Variants in PIAS1 observed in about 807,000 individuals in gnomAD.
PIAS1 encodes the protein E3 SUMO-protein ligase PIAS1.
A neutral mutation model predicts 71.3 loss-of-function variants in PIAS1; 6 were observed. The ratio of observed to expected loss-of-function variants is 0.08; its 90% CI spans 0.05 to 0.17. The LOEUF (loss-of-function observed/expected upper bound fraction) is 0.17. PIAS1 is among the 10% of genes least tolerant of loss of function. The probability of loss-of-function intolerance (pLI) is 1.00; values close to 1 mark genes in which losing one functional copy is unlikely to be tolerated. For synonymous variants in PIAS1, 303 were observed against 292.9 expected (o/e 1.03, Z -0.35); for missense variants, 555 against 793.6 (o/e 0.70, Z 3.61).
In PIAS1 at chr15:68,178,538, A is replaced by G. The variant is rs2093033763; in HGVS notation, c.1481+1884A>G. ...GAGAAAAGGAAAAGTCACATTACCT[A>G]AAGTTAGAACAAGTATCTATAGAAT... On this transcript the variant is annotated intron_variant, in intron 11 of 13. Coordinates refer to ENST00000249636, the MANE Select transcript of PIAS1 (RefSeq NM_016166.3). The surrounding 1 kb of genome is among the most constrained non-coding windows in gnomAD (Gnocchi z 4.2). 6.6e-6 allele frequency among the ~76,000 whole-genome samples: 1 copy of G among 152,226 alleles called. No individual in the cohort carries two copies. Among genetic ancestry groups the G allele is most frequent in the East Asian group, 1.9e-4 (1 of 5,208 alleles).
At chr15:68,182,425 A>AGT (rs10532167) in intron 12 of PIAS1, among the ~76,000 whole-genome samples, 5,248 of 123,266 alleles carry the variant, frequency 0.043, 293 homozygotes, top group African/African-American at 0.095. Context: ...AGTTACAGCT[A>AGT]GTGTGTGTGT....
chr15:68,081,649 G>A (rs1266200257), intron 1 of PIAS1, among the ~76,000 whole-genome samples: 2 of 152,032 alleles, frequency 1.3e-5, no homozygotes, highest in Non-Finnish European at 2.9e-5. Context: ...TAATGTAAGC[G>A]TTAGGAGATA....
At chr15:68,156,896 G>A (rs1451010405) in intron 7 of PIAS1, among the ~76,000 whole-genome samples, 2 of 152,112 alleles carry the variant, frequency 1.3e-5, no homozygotes, top group African/African-American at 4.8e-5. Context: ...CTTTGAAGAC[G>A]AATCAAAGGA....
At chr15:68,131,165 GC>G (rs2092685528) in intron 2 of PIAS1, among the ~76,000 whole-genome samples, 1 of 152,072 alleles carries the variant, frequency 6.6e-6, no homozygotes, top group Non-Finnish European at 1.5e-5. Context: ...AAAATTAAAT[GC>G]CCATTAATAA....
intron 6 of PIAS1, among the ~76,000 whole-genome samples, chr15:68,149,517 A>G (rs1233401207): frequency 6.6e-6 from 1 of 151,882 alleles, no homozygotes; most frequent in Non-Finnish European, 1.5e-5. Context: ...TAGGAACTGT[A>G]TTTTCAAATC....
intron 2 of PIAS1, among the ~76,000 whole-genome samples, chr15:68,134,589 C>T (rs2092708006): frequency 2.6e-5 from 1 of 38,346 alleles, no homozygotes; most frequent in African/African-American, 4.9e-5. Flanking sequence ...CCCCCCACCC[C>T]CCAGACGGGG....
intron 4 of PIAS1, among the ~76,000 whole-genome samples, chr15:68,145,473 A>G (rs1341572812): frequency 2.6e-5 from 4 of 152,168 alleles, no homozygotes; most frequent in Admixed American, 2.6e-4. Flanking sequence ...GTTTTGATTC[A>G]GAATTTCTTA....
In PIAS1 at chr15:68,112,940, G is replaced by A. The variant is rs1042375550; in HGVS notation, c.469+26190G>A. Among the ~76,000 whole-genome samples the A allele has an allele frequency of 5.9e-5, 9 of 152,152 alleles. 1 individual carries two copies. Among genetic ancestry groups the A allele is most frequent in the African/African-American group, 2.2e-4 (9 of 41,448 alleles). On this transcript the variant is annotated intron_variant, in intron 2 of 13. Coordinates refer to ENST00000249636, the MANE Select transcript of PIAS1 (RefSeq NM_016166.3). ...TCATCAAGGCATTAATTCTGGAAGG[G>A]AAACATGAAAATGACCTAAGTGTTT...
chr15:68,058,451 T>C (rs1366589690), intron 1 of PIAS1, among the ~76,000 whole-genome samples: 1 of 152,212 alleles, frequency 6.6e-6, no homozygotes, highest in Non-Finnish European at 1.5e-5. Context: ...TACGTGACTA[T>C]TGCAAGGTCA....
intron 10 of PIAS1, 118 bp from the exon 11 acceptor site, chr15:68,176,356 C>T: frequency 1.9e-6 from 1 of 539,386 alleles, no homozygotes; most frequent in Middle Eastern, 2.9e-4. Flanking sequence ...TGGTTTTCTA[C>T]TCTCTGGCTC....
rs1167093759 is a variant in PIAS1, at chr15:68,187,597, ACCT to A, written c.1722_1724del (p.Leu575del). On this transcript the variant is annotated inframe_deletion, in exon 14 of 14. Coordinates refer to ENST00000249636, the MANE Select transcript of PIAS1 (RefSeq NM_016166.3). This position sits in a 1 kb window ranked among gnomAD's most constrained non-coding sequence, Gnocchi z 5.3. The stretch of plus-strand genomic sequence containing the variant: ...GCAGCAGCAGTTTCAGATGATCAAG[ACCT>A]CCTACACTCGTCTCGGTTTTTCCCG... 3.1e-6 allele frequency: 5 copies of A among 1,613,558 alleles called. No individual in the cohort carries two copies. The highest frequency in any genetic ancestry group is 4.2e-6 in the Non-Finnish European group (5 of 1,179,730).
At chr15:68,122,939 G>A (rs1308283330) in intron 2 of PIAS1, among the ~76,000 whole-genome samples, 2 of 150,026 alleles carry the variant, frequency 1.3e-5, no homozygotes, top group African/African-American at 4.9e-5. Context: ...TCTTTCTTGG[G>A]AAGTATCTGC....
At chr15:68,139,685 TAA>T (rs2092757151) in intron 2 of PIAS1, among the ~76,000 whole-genome samples, 1 of 152,306 alleles carries the variant, frequency 6.6e-6, no homozygotes, top group Non-Finnish European at 1.5e-5. Context: ...TTAAAAAGAT[TAA>T]GATTTTATAT....
chr15:68,077,148 G>T (rs1254213982), intron 1 of PIAS1, among the ~76,000 whole-genome samples: 1 of 152,190 alleles, frequency 6.6e-6, no homozygotes, highest in Admixed American at 6.5e-5. Flanking sequence ...GGATGATGTG[G>T]ATGCAGCCCC....
intron 1 of PIAS1, among the ~76,000 whole-genome samples, chr15:68,080,428 C>T (rs1043209002): frequency 4.6e-5 from 7 of 152,078 alleles, no homozygotes; most frequent in Admixed American, 1.3e-4. Context: ...GGTCATTTTC[C>T]GGTTGTCTTA....
At position 68,098,567 on chromosome 15, in the gene PIAS1, A is replaced by G. The variant is rs141623100; in HGVS notation, c.469+11817A>G. Among the ~76,000 whole-genome samples, 712 of 152,292 alleles carry G rather than the reference A, an allele frequency of 4.7e-3. 5 individuals are homozygous for G. Among genetic ancestry groups the G allele is most frequent in the Non-Finnish European group, 7.4e-3 (505 of 67,994 alleles). On this transcript the variant is annotated intron_variant, in intron 2 of 13. Coordinates refer to ENST00000249636, the MANE Select transcript of PIAS1 (RefSeq NM_016166.3). ...TTTTAAATTTTTAAATAGATAATAC[A>G]TTGATGTACAAAACTCAAAAGTTAC...
chr15:68,179,961 C>T (rs760801212), intron 11 of PIAS1, among the ~76,000 whole-genome samples: 31 of 152,144 alleles, frequency 2.0e-4, no homozygotes, highest in Non-Finnish European at 3.7e-4. Flanking sequence ...AAAAGACAGC[C>T]TCTTTATTGC....
intron 6 of PIAS1, among the ~76,000 whole-genome samples, chr15:68,151,707 C>CACACACACACACA (rs140053964): frequency 7.4e-6 from 1 of 134,404 alleles, no homozygotes; most frequent in African/African-American, 2.8e-5. Context: ...CACACACACA[C>CACACACACACACA]AAATTAGCTA....
chr15:68,137,569 T>A (rs2058507976), intron 2 of PIAS1, among the ~76,000 whole-genome samples: 1 of 152,110 alleles, frequency 6.6e-6, no homozygotes. Context: ...AGAGAGCTAA[T>A]AAACCTATGT....
Sources: allele counts gnomAD v4.1 joint callset (sites outside exome capture counted in the v4.1 genomes callset), GRCh38; gene constraint gnomAD v4.1.1; non-coding constraint Gnocchi (gnomAD v3.1); transcripts MANE v1.5; gene names NCBI Gene and HGNC (gene_info 2026-07-23, HGNC 2026-07-21).